The following MEIKIN variants were observed in gnomAD, a reference collection of about 807,000 sequenced individuals.
The protein encoded by MEIKIN is meiosis-specific kinetochore protein.
intron 4 of MEIKIN, among the ~76,000 whole-genome samples, chr5:131,934,993 T>C (rs1392241817): frequency 6.7e-6 from 1 of 149,918 alleles, no homozygotes; most frequent in Non-Finnish European, 1.5e-5. Flanking sequence ...GAGGTGGAGG[T>C]TGCAGTGAAT....
At chr5:131,830,180 A>T (rs1749691337) in intron 11 of MEIKIN, among the ~76,000 whole-genome samples, 1 of 152,164 alleles carries the variant, frequency 6.6e-6, no homozygotes, top group African/African-American at 2.4e-5. Context: ...GCTTGATCGC[A>T]AGAGTTTGAG....
intron 9 of MEIKIN, among the ~76,000 whole-genome samples, chr5:131,855,725 TGAGA>T (rs1292698403): frequency 2.7e-5 from 4 of 150,568 alleles, no homozygotes; most frequent in South Asian, 4.2e-4. Context: ...GAGCAGAGAT[TGAGA>T]GAGAGAGACA....
intron 11 of MEIKIN, among the ~76,000 whole-genome samples, chr5:131,839,287 T>TA (rs1456463475): frequency 1.3e-5 from 2 of 152,236 alleles, no homozygotes; most frequent in East Asian, 3.8e-4. Context: ...TGATCAATTT[T>TA]AGAGTATGTG....
chr5:131,929,994 T>C (rs1751659876), intron 5 of MEIKIN, among the ~76,000 whole-genome samples: 1 of 152,208 alleles, frequency 6.6e-6, no homozygotes, highest in Non-Finnish European at 1.5e-5. Context: ...AACAAACATA[T>C]GTGTTCATGT....
chr5:131,883,531 T>C (rs1039602624), intron 8 of MEIKIN, among the ~76,000 whole-genome samples: 4 of 152,228 alleles, frequency 2.6e-5, no homozygotes, highest in African/African-American at 7.2e-5. Flanking sequence ...TAACACTTAG[T>C]AGAAGAGCCT....
chr5:131,857,007 G>A (rs946191847), intron 9 of MEIKIN, among the ~76,000 whole-genome samples: 24 of 151,182 alleles, frequency 1.6e-4, no homozygotes, highest in Non-Finnish European at 2.5e-4. Context: ...TGCACAACGT[G>A]CAGGTTAGTT....
chr5:131,902,966 T>C (rs1463082846), intron 8 of MEIKIN, among the ~76,000 whole-genome samples: 5 of 152,068 alleles, frequency 3.3e-5, no homozygotes, highest in Admixed American at 2.0e-4. Context: ...ACTGAACTGA[T>C]GCAACAGAGC....
chr5:131,888,887 A>G, intron 8 of MEIKIN, among the ~76,000 whole-genome samples: 1 of 152,156 alleles, frequency 6.6e-6, no homozygotes, highest in East Asian at 1.9e-4. Context: ...TAATTTTTGT[A>G]TAAGGTGTAA....
rs1172320360 is a variant in MEIKIN at position 131,883,875 on chromosome 5, G to T, written c.704-4827C>A. 2.6e-5 allele frequency among the ~76,000 whole-genome samples: 4 copies of T among 152,176 alleles called. No individual in the cohort carries two copies. The East Asian group carries it at 7.7e-4, about 29-fold the overall frequency. On this transcript the variant is annotated intron_variant, in intron 8 of 12. Transcript: ENST00000442687. ...CATTTGGAAGGAGAGTAAAGGGATT[G>T]TGAGACATTGCACTGAACTCAATGC...
rs568232566 is a variant in MEIKIN at position 131,818,761 on chromosome 5, G to T, written c.1078C>A (p.Leu360Ile). The T allele has an allele frequency of 2.5e-6, 1 of 398,066 alleles. No homozygotes were observed. Among genetic ancestry groups the T allele is most frequent in the South Asian group, 1.3e-4 (1 of 7,850 alleles). The allele number at this position is 398,066 out of a possible 1,614,324, so 24.7% of individuals were successfully genotyped here. A position where few individuals can be genotyped will look rare whatever the true frequency, so the allele number is the denominator to read the frequency against. ...GVIVKKKKYS[L>I]PKDTPQDIII... is the part of the protein sequence containing the mutation. ...GTACCTTGAGGGGTATCCTTAGGAA[G>T]AGAATATTTCTTCTTCTTTACAATA... is the stretch of plus-strand genomic sequence containing the variant. The change falls in exon 12 of 13, where the codon CTT becomes ATT. Residue 360 changes from leucine (L) to isoleucine (I), a missense_variant. Leu to Ile is a conservative substitution (Grantham distance 5). Transcript: ENST00000442687.
intron 8 of MEIKIN, among the ~76,000 whole-genome samples, chr5:131,885,291 C>A (rs940714862): frequency 1.3e-5 from 2 of 148,532 alleles, no homozygotes; most frequent in Non-Finnish European, 3.0e-5. Context: ...TTGGAGGCCA[C>A]AGAGGTGCTT....
intron 3 of MEIKIN, among the ~76,000 whole-genome samples, chr5:131,943,542 A>T (rs1751909639): frequency 6.6e-6 from 1 of 152,224 alleles, no homozygotes; most frequent in Admixed American, 6.5e-5. Flanking sequence ...TCTACAAGAC[A>T]AAGCACTATG....
At chr5:131,865,591 C>G (rs1356693031) in intron 9 of MEIKIN, among the ~76,000 whole-genome samples, 2 of 152,172 alleles carry the variant, frequency 1.3e-5, no homozygotes, top group Admixed American at 6.5e-5. Context: ...TATTTCCTTG[C>G]TTTTTCAAGT....
intron 11 of MEIKIN, among the ~76,000 whole-genome samples, chr5:131,842,237 T>A (rs1235089301): frequency 6.6e-6 from 1 of 152,182 alleles, no homozygotes; most frequent in African/African-American, 2.4e-5. Context: ...AGTGCTGGGA[T>A]TACAGGTGTG....
At chr5:131,929,901 G>A (rs1019967864) in intron 5 of MEIKIN, among the ~76,000 whole-genome samples, 4 of 152,158 alleles carry the variant, frequency 2.6e-5, no homozygotes, top group African/African-American at 7.2e-5. Context: ...CATGGTGTAC[G>A]TGTACTACAC....
At chr5:131,905,155 T>C (rs1014303212) in intron 8 of MEIKIN, among the ~76,000 whole-genome samples, 1 of 151,938 alleles carries the variant, frequency 6.6e-6, no homozygotes, top group African/African-American at 2.4e-5. Context: ...AAAAACCCCA[T>C]ACAATTAAAT....
At chr5:131,934,287 C>A (rs1185418230) in intron 4 of MEIKIN, among the ~76,000 whole-genome samples, 2 of 151,856 alleles carry the variant, frequency 1.3e-5, no homozygotes, top group African/African-American at 4.8e-5. Context: ...ATATAAGTAA[C>A]CCATTAATTG....
At chr5:131,935,517 A>G (rs1407501260) in intron 4 of MEIKIN, among the ~76,000 whole-genome samples, 1 of 152,152 alleles carries the variant, frequency 6.6e-6, no homozygotes, top group Non-Finnish European at 1.5e-5. Context: ...AAGAAAAGGG[A>G]AAATGTGCTC....
chr5:131,938,822 G>T (rs1225077296), intron 4 of MEIKIN, among the ~76,000 whole-genome samples: 2 of 152,178 alleles, frequency 1.3e-5, no homozygotes, highest in Middle Eastern at 3.4e-3. Flanking sequence ...TATTTTAAAT[G>T]TTTACTTAAA....
Sources: allele counts gnomAD v4.1 joint callset (sites outside exome capture counted in the v4.1 genomes callset), GRCh38; gene constraint gnomAD v4.1.1; transcripts MANE v1.5; gene names NCBI Gene and HGNC (gene_info 2026-07-23, HGNC 2026-07-21).